Variants in LRRC4C observed in about 807,000 individuals in gnomAD.
The protein encoded by LRRC4C is leucine rich repeat containing 4C.
Under a neutral mutation model 33.6 loss-of-function variants are expected in LRRC4C, and 5 were observed. That is an observed-to-expected ratio of 0.15 (90% CI 0.08 to 0.31). The LOEUF (loss-of-function observed/expected upper bound fraction) is 0.31. Ranked by LOEUF, LRRC4C falls within the 10% of genes least tolerant of loss-of-function variation. The pLI is 1.00. For missense variants in LRRC4C, 560 were observed against 796.7 expected (o/e 0.70, Z 3.58); for synonymous variants, 329 against 302.0 (o/e 1.09, Z -0.93).
intron 1 of LRRC4C, among the ~76,000 whole-genome samples, chr11:41,133,475 A>AGCC (rs1943110057): frequency 7.0e-6 from 1 of 142,850 alleles, no homozygotes; most frequent in African/African-American, 2.8e-5. Context: ...TAAAATCCTA[A>AGCC]TCCCCCCCCC....
intron 1 of LRRC4C, among the ~76,000 whole-genome samples, chr11:40,962,412 C>T (rs1201273173): frequency 6.6e-6 from 1 of 151,642 alleles, no homozygotes; most frequent in African/African-American, 2.4e-5. Flanking sequence ...TGAGTTACAA[C>T]AGAAATAGGA....
chr11:40,991,612 G>A (rs1274101680), intron 1 of LRRC4C, among the ~76,000 whole-genome samples: 1 of 152,126 alleles, frequency 6.6e-6, no homozygotes, highest in African/African-American at 2.4e-5. Context: ...ATCAGTGGGA[G>A]CCCTGGGCTT....
At chr11:40,485,910 G>C (rs12270506) in intron 3 of LRRC4C, among the ~76,000 whole-genome samples, 1 of 151,796 alleles carries the variant, frequency 6.6e-6, no homozygotes, top group Non-Finnish European at 1.5e-5. Flanking sequence ...ACCAAATACT[G>C]CATGTTCTCA....
At chr11:41,418,530 C>A (rs541840233) in intron 1 of LRRC4C, among the ~76,000 whole-genome samples, 1 of 151,914 alleles carries the variant, frequency 6.6e-6, no homozygotes, top group Non-Finnish European at 1.5e-5. Flanking sequence ...CCTGTAAAAG[C>A]GCCCATGACA....
chr11:40,268,893 A>G (rs984527993), intron 4 of LRRC4C, among the ~76,000 whole-genome samples: 3 of 152,184 alleles, frequency 2.0e-5, no homozygotes, highest in Non-Finnish European at 4.4e-5. Context: ...GAGAACCGCC[A>G]GTCTAGAGAC....
intron 3 of LRRC4C, among the ~76,000 whole-genome samples, chr11:40,326,079 AG>A (rs1946087843): frequency 6.6e-6 from 1 of 151,150 alleles, no homozygotes; most frequent in Non-Finnish European, 1.5e-5. Flanking sequence ...AAAAAAAAAA[AG>A]GTGGAATTTT....
Position 40,272,835 on chromosome 11 carries a change from CT to C in LRRC4C, c.-175-31238del, listed in dbSNP as rs879417910. Among the ~76,000 whole-genome samples the C allele has an allele frequency of 6.6e-3, 939 of 142,938 alleles. 3 individuals are homozygous for C. Among genetic ancestry groups the C allele is most frequent in the Middle Eastern group, 0.022 (6 of 274 alleles). 93.8% of individuals were successfully genotyped at this position (142,938 alleles called of 152,430 possible). On this transcript the variant is annotated intron_variant, in intron 4 of 6. Coordinates refer to ENST00000528697, the MANE Select transcript of LRRC4C (RefSeq NM_001258419.2). ...ACAGAGTGTAAACCTATGATTCATTCTTTTTTTTTTTGTCCCTGCAAAATGG... is the reference window on the plus strand; with the variant it reads ...ACAGAGTGTAAACCTATGATTCATTCTTTTTTTTTTGTCCCTGCAAAATGG...
intron 3 of LRRC4C, among the ~76,000 whole-genome samples, chr11:40,359,929 C>A (rs1947871553): frequency 6.6e-6 from 1 of 152,146 alleles, no homozygotes; most frequent in African/African-American, 2.4e-5. Context: ...GAAATCCACA[C>A]CTCATCCCTA....
intron 1 of LRRC4C, among the ~76,000 whole-genome samples, chr11:41,076,213 T>C (rs1939138480): frequency 6.6e-6 from 1 of 152,196 alleles, no homozygotes; most frequent in African/African-American, 2.4e-5. Context: ...CAATGCAATA[T>C]CTAACACATC....
At chr11:40,281,164 T>C (rs1375073911) in intron 4 of LRRC4C, among the ~76,000 whole-genome samples, 2 of 152,104 alleles carry the variant, frequency 1.3e-5, no homozygotes, top group African/African-American at 4.8e-5. Flanking sequence ...TTCAAAACAA[T>C]ACAGAGAAAG....
At chr11:41,040,108 A>G (rs1857340582) in intron 1 of LRRC4C, among the ~76,000 whole-genome samples, 2 of 147,034 alleles carry the variant, frequency 1.4e-5, no homozygotes, top group Admixed American at 6.9e-5. Context: ...ACTGCACTCC[A>G]GCCTGGGCAA....
At chr11:40,335,887 C>T (rs1946576028) in intron 3 of LRRC4C, among the ~76,000 whole-genome samples, 1 of 152,190 alleles carries the variant, frequency 6.6e-6, no homozygotes, top group Non-Finnish European at 1.5e-5. Flanking sequence ...TTTACTAGCT[C>T]TATGACTTCA....
intron 2 of LRRC4C, among the ~76,000 whole-genome samples, chr11:40,755,401 C>T (rs774256498): frequency 6.6e-6 from 1 of 152,024 alleles, no homozygotes; most frequent in Non-Finnish European, 1.5e-5. Flanking sequence ...AACTATACAG[C>T]TAGCAATCAT....
intron 1 of LRRC4C, among the ~76,000 whole-genome samples, chr11:41,252,240 T>G (rs6485260): frequency 0.13 from 19,782 of 152,152 alleles, 1,429 homozygotes; most frequent in Middle Eastern, 0.25. Context: ...GAGGAGAGGT[T>G]GGTCAATACG....
chr11:40,957,164 T>C (rs1010774579), intron 1 of LRRC4C, among the ~76,000 whole-genome samples: 5 of 151,792 alleles, frequency 3.3e-5, no homozygotes, highest in Non-Finnish European at 5.9e-5. Flanking sequence ...CTGTAGCATG[T>C]TTTATTTTTC....
At chr11:41,269,305 G>A (rs1343542753) in intron 1 of LRRC4C, among the ~76,000 whole-genome samples, 1 of 151,984 alleles carries the variant, frequency 6.6e-6, no homozygotes, top group Non-Finnish European at 1.5e-5. Flanking sequence ...CCTAAGGAAT[G>A]TGTTCATTCC....
intron 3 of LRRC4C, among the ~76,000 whole-genome samples, chr11:40,626,202 G>A (rs1010662344): frequency 6.6e-6 from 1 of 151,850 alleles, no homozygotes; most frequent in Admixed American, 6.6e-5. Context: ...TTCCTCTGCC[G>A]GAAAGAACAT....
intron 3 of LRRC4C, among the ~76,000 whole-genome samples, chr11:40,567,272 A>AT (rs1251792242): frequency 3.3e-5 from 5 of 152,110 alleles, no homozygotes; most frequent in African/African-American, 1.2e-4. Flanking sequence ...TGGTAATCAC[A>AT]TTTTTTTAAC....
At chr11:41,112,960 G>A (rs188150697) in intron 1 of LRRC4C, among the ~76,000 whole-genome samples, 104 of 152,120 alleles carry the variant, frequency 6.8e-4, no homozygotes, top group Admixed American at 9.2e-4. Context: ...AGGAATTAGC[G>A]TATATTGGGT....
Sources: gnomAD v4.1 joint callset for allele counts (sites outside exome capture counted in the v4.1 genomes callset) on GRCh38, gnomAD v4.1.1 for gene constraint, MANE v1.5 for transcripts, NCBI Gene and HGNC (gene_info 2026-07-23, HGNC 2026-07-21) for gene names.